MAML2: variants seen among roughly 807,000 people sequenced by gnomAD.
The protein encoded by MAML2 is mastermind-like protein 2.
Under a neutral mutation model 96.1 loss-of-function variants are expected in MAML2, and 22 were observed. That is an observed-to-expected ratio of 0.23 (90% confidence interval 0.16 to 0.33). The LOEUF (loss-of-function observed/expected upper bound fraction) is 0.33, where lower values mean the gene tolerates loss of function less well. Ranked by LOEUF, MAML2 falls within the 10% of genes least tolerant of loss-of-function variation. The pLI is 1.00. For missense variants in MAML2, 1,367 were observed against 1,392.4 expected (o/e 0.98, Z 0.29); for synonymous variants, 561 against 521.3 (o/e 1.08, Z -1.04).
chr11:96,191,666 G>A (rs2135921771), intron 1 of MAML2, among the ~76,000 whole-genome samples: 1 of 150,706 alleles, frequency 6.6e-6, no homozygotes, highest in East Asian at 2.0e-4. Context: ...CAGCTACTCG[G>A]GAAGCTGAGG....
At chr11:96,284,471 T>C (rs550692019) in intron 1 of MAML2, among the ~76,000 whole-genome samples, 5 of 152,322 alleles carry the variant, frequency 3.3e-5, no homozygotes, top group African/African-American at 1.2e-4. Context: ...TTTCTTCTCA[T>C]TGGTTCTCAA....
At chr11:96,022,235 T>C (rs1483986131) in intron 2 of MAML2, among the ~76,000 whole-genome samples, 2 of 152,240 alleles carry the variant, frequency 1.3e-5, no homozygotes, top group Middle Eastern at 3.2e-3. Flanking sequence ...TGCTGTATTC[T>C]GTCTGCCACA....
chr11:96,071,881 C>T (rs1859350358), intron 2 of MAML2, among the ~76,000 whole-genome samples: 1 of 152,164 alleles, frequency 6.6e-6, no homozygotes, highest in South Asian at 2.1e-4. Context: ...TGAAGATTGG[C>T]TGTCTTTGTA....
At chr11:96,240,528 G>C (rs979700184) in intron 1 of MAML2, among the ~76,000 whole-genome samples, 1 of 124,962 alleles carries the variant, frequency 8.0e-6, no homozygotes, top group African/African-American at 3.0e-5. Context: ...TCCGCAGTCC[G>C]GCCTGGGCGA....
chr11:96,151,595 A>G (rs1334256769), intron 1 of MAML2, among the ~76,000 whole-genome samples: 1 of 152,150 alleles, frequency 6.6e-6, no homozygotes, highest in Non-Finnish European at 1.5e-5. Flanking sequence ...CGAACTCCTC[A>G]GTGCTGTTCT....
intron 2 of MAML2, among the ~76,000 whole-genome samples, chr11:96,055,846 G>A (rs1859057708): frequency 6.6e-6 from 1 of 152,186 alleles, no homozygotes; most frequent in Admixed American, 6.5e-5. Flanking sequence ...TAAAGAAAAT[G>A]CCAAGTTGAA....
intron 1 of MAML2, among the ~76,000 whole-genome samples, chr11:96,117,499 C>T (rs1300124356): frequency 6.6e-6 from 1 of 151,728 alleles, no homozygotes; most frequent in East Asian, 1.9e-4. Context: ...AAGGTTTTGC[C>T]ACATTGCCCA....
intron 2 of MAML2, among the ~76,000 whole-genome samples, chr11:96,015,594 G>GA (rs1491228165): frequency 3.3e-5 from 4 of 119,728 alleles, no homozygotes; most frequent in East Asian, 2.8e-4. Context: ...AGGGGGGGGG[G>GA]GCAATTCATG....
chr11:96,078,816 T>C (rs745984137), intron 2 of MAML2, among the ~76,000 whole-genome samples: 24 of 152,250 alleles, frequency 1.6e-4, no homozygotes, highest in Non-Finnish European at 3.1e-4. Context: ...GTAATGATTC[T>C]ACCTTCTTTC....
At chr11:95,980,870 G>A (rs778104242) in intron 4 of MAML2, among the ~76,000 whole-genome samples, 1 of 152,150 alleles carries the variant, frequency 6.6e-6, no homozygotes, top group Non-Finnish European at 1.5e-5. Context: ...GGCAGACAAG[G>A]GTCTCCCCCA....
rs565342940 is a variant in MAML2 at position 96,236,106 on chromosome 11, C to T, written c.513+105277G>A. The stretch of plus-strand genomic sequence containing the variant: ...GAGCACTTTGAATTCATGACAAAGG[C>T]GAAACTTTCTTTTTTCAATAGAAAT... On this transcript the variant is annotated intron_variant, in intron 1 of 4. Coordinates refer to ENST00000524717, the MANE Select transcript of MAML2 (RefSeq NM_032427.4). 1.6e-4 allele frequency among the ~76,000 whole-genome samples: 25 copies of T among 152,220 alleles called. No homozygotes were observed. The South Asian group carries it at 1.7e-3, about 10-fold the overall frequency.
chr11:96,179,291 T>C (rs1861446045), intron 1 of MAML2, among the ~76,000 whole-genome samples: 2 of 152,222 alleles, frequency 1.3e-5, no homozygotes, highest in African/African-American at 4.8e-5. Context: ...TATGAATAGA[T>C]GTTACAGAAG....
In MAML2 at chr11:96,081,263, T is replaced by A. The variant is rs560144570; in HGVS notation, c.2139+10629A>T. 3.3e-5 allele frequency among the ~76,000 whole-genome samples: 5 copies of A among 151,804 alleles called. No individual in the cohort carries two copies. The East Asian group carries it at 9.6e-4, about 29-fold the overall frequency. ...TTCCTGGAGGAAAGCCTTTACTGAA[T>A]TAAAGTATAATACTGAATTAAAGCA... On this transcript the variant is annotated intron_variant, in intron 2 of 4. Transcript: ENST00000524717.
chr11:96,113,963 C>T (rs562937675), intron 1 of MAML2, among the ~76,000 whole-genome samples: 1 of 151,788 alleles, frequency 6.6e-6, no homozygotes, highest in Non-Finnish European at 1.5e-5. Context: ...AAAAATAAAA[C>T]ATTTGATGAA....
At chr11:96,220,101 C>A (rs1367658959) in intron 1 of MAML2, among the ~76,000 whole-genome samples, 1 of 152,270 alleles carries the variant, frequency 6.6e-6, no homozygotes, top group East Asian at 1.9e-4. Flanking sequence ...TAATCTCCCA[C>A]AGTGTCCATG....
intron 1 of MAML2, among the ~76,000 whole-genome samples, chr11:96,100,886 C>A (rs1014560332): frequency 1.3e-5 from 2 of 151,820 alleles, no homozygotes; most frequent in African/African-American, 4.8e-5. Flanking sequence ...GCTGGGACTA[C>A]AGGAAAGTGA....
chr11:96,331,719 G>A (rs1273841714), intron 1 of MAML2, among the ~76,000 whole-genome samples: 1 of 151,258 alleles, frequency 6.6e-6, no homozygotes, highest in African/African-American at 2.4e-5. Flanking sequence ...TTAGGAGGCT[G>A]AGGCAGGGGA....
chr11:96,029,664 T>C (rs1858580485), intron 2 of MAML2, among the ~76,000 whole-genome samples: 1 of 152,184 alleles, frequency 6.6e-6, no homozygotes, highest in Non-Finnish European at 1.5e-5. Flanking sequence ...CATCTTCTTC[T>C]CTGCTCCTAT....
At chr11:96,153,876 A>T (rs1290448923) in intron 1 of MAML2, among the ~76,000 whole-genome samples, 1 of 152,102 alleles carries the variant, frequency 6.6e-6, no homozygotes, top group East Asian at 1.9e-4. Flanking sequence ...GCATCACTGC[A>T]CTCCAGCTCT....
Sources: allele counts gnomAD v4.1 joint callset (sites outside exome capture counted in the v4.1 genomes callset), GRCh38; gene constraint gnomAD v4.1.1; transcripts MANE v1.5; gene names NCBI Gene and HGNC (gene_info 2026-07-23, HGNC 2026-07-21).